Variants in L3MBTL4 observed in about 807,000 individuals in gnomAD.
L3MBTL4 encodes L3MBTL histone methyl-lysine binding protein 4, also known as lethal(3)malignant brain tumor-like protein 4.
Under a neutral mutation model 84.5 loss-of-function variants are expected in L3MBTL4, and 70 were observed. The ratio of observed to expected loss-of-function variants is 0.83; its 90% CI spans 0.68 to 1.01. The LOEUF (loss-of-function observed/expected upper bound fraction) is 1.01, where lower values mean the gene tolerates loss of function less well. Ranked by LOEUF, L3MBTL4 falls within the 50% of genes least tolerant of loss-of-function variation. The probability of loss-of-function intolerance (pLI) is 0.00; values close to 1 mark genes in which losing one functional copy is unlikely to be tolerated. For synonymous variants in L3MBTL4, 274 were observed against 259.8 expected (o/e 1.05, Z -0.52); for missense variants, 715 against 754.8 (o/e 0.95, Z 0.62).
chr18:6,066,022 T>G (rs1167170309), intron 16 of L3MBTL4, among the ~76,000 whole-genome samples: 2 of 152,122 alleles, frequency 1.3e-5, no homozygotes, highest in Admixed American at 6.6e-5. Context: ...TGGGCTGCTT[T>G]TGCTGTATCC....
At chr18:5,994,178 G>A (rs865814297) in intron 16 of L3MBTL4, among the ~76,000 whole-genome samples, 2 of 152,296 alleles carry the variant, frequency 1.3e-5, no homozygotes, top group South Asian at 2.1e-4. Flanking sequence ...TAGGCACTGC[G>A]CAGTGAACCC....
chr18:6,293,851 G>C (rs1229513741), intron 4 of L3MBTL4, among the ~76,000 whole-genome samples: 1 of 152,206 alleles, frequency 6.6e-6, no homozygotes, highest in Non-Finnish European at 1.5e-5. Context: ...ATCTTCAAGA[G>C]TGTCCAGGTC....
At chr18:6,240,810 A>T (rs900886254) in intron 8 of L3MBTL4, among the ~76,000 whole-genome samples, 1 of 152,184 alleles carries the variant, frequency 6.6e-6, no homozygotes, top group Non-Finnish European at 1.5e-5. Context: ...GCACAGTGAC[A>T]CCGCCTGCCA....
chr18:6,329,310 C>T (rs920676882), intron 1 of L3MBTL4, among the ~76,000 whole-genome samples: 6 of 151,704 alleles, frequency 4.0e-5, no homozygotes, highest in African/African-American at 9.7e-5. Context: ...CTCACCACCA[C>T]GCCCGGCTAA....
intron 1 of L3MBTL4, among the ~76,000 whole-genome samples, chr18:6,371,449 G>A (rs1173987241): frequency 6.6e-6 from 1 of 152,148 alleles, no homozygotes; most frequent in African/African-American, 2.4e-5. Flanking sequence ...AGTGCCCAGG[G>A]CAGCCCAGCC....
chr18:6,319,612 C>T (rs1007083769), intron 1 of L3MBTL4, among the ~76,000 whole-genome samples: 1 of 151,902 alleles, frequency 6.6e-6, no homozygotes, highest in Non-Finnish European at 1.5e-5. Flanking sequence ...AGACCAGTAA[C>T]AAGCAGTAAG....
At chr18:6,352,290 T>G in intron 1 of L3MBTL4, among the ~76,000 whole-genome samples, 1 of 152,206 alleles carries the variant, frequency 6.6e-6, no homozygotes. Context: ...CCCAATCTCC[T>G]CATCTTTATG....
intron 16 of L3MBTL4, among the ~76,000 whole-genome samples, chr18:5,998,928 T>C (rs566023154): frequency 2.6e-5 from 4 of 152,196 alleles, no homozygotes; most frequent in African/African-American, 9.7e-5. Flanking sequence ...TTCTCTGCCA[T>C]AAATCTAACT....
chr18:6,056,353 A>G (rs746334752), intron 16 of L3MBTL4, among the ~76,000 whole-genome samples: 3 of 152,146 alleles, frequency 2.0e-5, no homozygotes, highest in Non-Finnish European at 2.9e-5. Flanking sequence ...AGAACTCAGC[A>G]GTAGTCAGAC....
At chr18:6,251,899 A>G (rs2047938268) in intron 5 of L3MBTL4, among the ~76,000 whole-genome samples, 1 of 152,226 alleles carries the variant, frequency 6.6e-6, no homozygotes, top group Non-Finnish European at 1.5e-5. Context: ...ATCAGAACAC[A>G]CGACTACCAA....
chr18:6,258,917 G>A (rs1053558051), intron 5 of L3MBTL4: 3 of 152,360 alleles, frequency 2.0e-5, no homozygotes, highest in Admixed American at 1.3e-4. Context: ...AAATAGCAGT[G>A]TTACGACTGC....
In L3MBTL4 at chr18:6,023,458, G is replaced by A. The variant is rs79774981; in HGVS notation, c.1445-53896C>T. ...AACGAAGAACATTCCAGTGGAAGGTGTAGAAATACATGGCTAATTTCCTGT... is the reference window on the plus strand; with the variant it reads ...AACGAAGAACATTCCAGTGGAAGGTATAGAAATACATGGCTAATTTCCTGT... On this transcript the variant is annotated intron_variant, in intron 16 of 18. Transcript: ENST00000317931. 2.6e-4 allele frequency among the ~76,000 whole-genome samples: 40 copies of A among 152,280 alleles called. No homozygotes were observed. In the East Asian group the frequency reaches 7.7e-3, roughly 29 times the overall value.
At chr18:6,201,606 T>C (rs2045652204) in intron 12 of L3MBTL4, among the ~76,000 whole-genome samples, 1 of 152,170 alleles carries the variant, frequency 6.6e-6, no homozygotes, top group Admixed American at 6.6e-5. Context: ...CAGGCAATTA[T>C]GTGAGAATAG....
At chr18:6,184,784 C>T (rs540426736) in intron 12 of L3MBTL4, among the ~76,000 whole-genome samples, 6 of 152,302 alleles carry the variant, frequency 3.9e-5, no homozygotes, top group Non-Finnish European at 8.8e-5. Context: ...GCTCCACCCA[C>T]ATCTCATACA....
intron 14 of L3MBTL4, among the ~76,000 whole-genome samples, chr18:6,135,301 G>A (rs1207669440): frequency 6.6e-6 from 1 of 152,150 alleles, no homozygotes; most frequent in Non-Finnish European, 1.5e-5. Context: ...CCCTGACATG[G>A]CCTGGAGACA....
rs757270806 is a variant in L3MBTL4, at chr18:6,238,023, G to C, written c.725C>G (p.Pro242Arg). 9 of 1,614,044 alleles carry C rather than the reference G, an allele frequency of 5.6e-6. No homozygotes were observed. Among genetic ancestry groups the C allele is most frequent in the Non-Finnish European group, 7.6e-6 (9 of 1,179,944 alleles). Residue 242 changes from proline (P) to arginine (R), a missense_variant, in exon 10 of 19, where the codon CCT becomes CGT. Physicochemically the swap from Pro to Arg is moderately radical, Grantham distance 103 (BLOSUM62 -2). Transcript: ENST00000317931. ...ACACCAACCAACTGGCTGGACATAA[G>C]GGCTATTAACATCGCACCTGCAAAA... ...SYDYWCDVNS[P>R]YVQPVGWCQE...
chr18:6,388,188 A>G (rs1401572043), intron 1 of L3MBTL4, among the ~76,000 whole-genome samples: 1 of 152,214 alleles, frequency 6.6e-6, no homozygotes, highest in Non-Finnish European at 1.5e-5. Flanking sequence ...AAAAAAATGC[A>G]AGTACCAACA....
intron 12 of L3MBTL4, among the ~76,000 whole-genome samples, chr18:6,206,233 T>A (rs914864005): frequency 1.3e-5 from 2 of 152,336 alleles, no homozygotes; most frequent in South Asian, 4.1e-4. Context: ...TACACTTATA[T>A]GTGCATTTTG....
intron 13 of L3MBTL4, among the ~76,000 whole-genome samples, chr18:6,162,953 T>G (rs1223931101): frequency 6.6e-6 from 1 of 152,092 alleles, no homozygotes; most frequent in East Asian, 1.9e-4. Context: ...TGTGAAGGGC[T>G]TTGTGTGCAT....
Sources: gnomAD v4.1 joint callset for allele counts (sites outside exome capture counted in the v4.1 genomes callset) on GRCh38, gnomAD v4.1.1 for gene constraint, MANE v1.5 for transcripts, NCBI Gene and HGNC (gene_info 2026-07-23, HGNC 2026-07-21) for gene names.